KLB: variants seen among roughly 807,000 people sequenced by gnomAD.
The protein encoded by KLB is beta-klotho.
A neutral mutation model predicts 88.4 loss-of-function variants in KLB; 44 were observed. The ratio of observed to expected loss-of-function variants is 0.50; its 90% CI spans 0.39 to 0.64. The LOEUF is 0.64. KLB is among the 30% of genes least tolerant of loss of function. KLB has a pLI of 0.00. For missense variants in KLB, 1,137 were observed against 1,304.8 expected (o/e 0.87, Z 1.98); for synonymous variants, 548 against 513.4 (o/e 1.07, Z -0.91).
intron 1 of KLB, among the ~76,000 whole-genome samples, chr4:39,413,492 T>C (rs1490887395): frequency 6.6e-6 from 1 of 152,052 alleles, no homozygotes; most frequent in Non-Finnish European, 1.5e-5. Flanking sequence ...AGAAGATCCC[T>C]TGAGCCCAGG....
intron 1 of KLB, among the ~76,000 whole-genome samples, chr4:39,421,647 C>T (rs1404274512): frequency 3.3e-5 from 5 of 152,028 alleles, no homozygotes; most frequent in Admixed American, 1.3e-4. Context: ...TCCAGCTACT[C>T]GAGAGACTGA....
At chr4:39,436,231 C>T (rs1157802981) in intron 2 of KLB, among the ~76,000 whole-genome samples, 1 of 152,196 alleles carries the variant, frequency 6.6e-6, no homozygotes, top group African/African-American at 2.4e-5. Context: ...AAGTCACAAG[C>T]CAGGAAGAAA....
chr4:39,436,769 G>C (rs140548548), intron 2 of KLB, among the ~76,000 whole-genome samples: 20 of 152,044 alleles, frequency 1.3e-4, no homozygotes, highest in Non-Finnish European at 2.2e-4. Context: ...GAGTGCAATG[G>C]TACAATCTTG....
chr4:39,416,677 T>C (rs1274202614), intron 1 of KLB, among the ~76,000 whole-genome samples: 1 of 131,340 alleles, frequency 7.6e-6, no homozygotes, highest in African/African-American at 2.5e-5. Context: ...TTACCGCTAC[T>C]GGGGAGGCTG....
At chr4:39,441,353 G>A (rs1436625800) in intron 3 of KLB, among the ~76,000 whole-genome samples, 1 of 152,116 alleles carries the variant, frequency 6.6e-6, no homozygotes. Context: ...CTCCAAAAAT[G>A]TCTTTTTCCC....
At chr4:39,441,190 C>T (rs1285716632) in intron 3 of KLB, among the ~76,000 whole-genome samples, 1 of 152,096 alleles carries the variant, frequency 6.6e-6, no homozygotes, top group Non-Finnish European at 1.5e-5. Context: ...TTAGCAAGAG[C>T]TCACGGTGAT....
At chr4:39,411,513 T>G (rs1053488339) in intron 1 of KLB, among the ~76,000 whole-genome samples, 1 of 150,636 alleles carries the variant, frequency 6.6e-6, no homozygotes, top group African/African-American at 2.5e-5. Flanking sequence ...GATGTATTTT[T>G]TGGCTTGGCC....
chr4:39,421,137 T>C (rs1008168770), intron 1 of KLB, among the ~76,000 whole-genome samples: 2 of 152,202 alleles, frequency 1.3e-5, no homozygotes, highest in Non-Finnish European at 2.9e-5. Flanking sequence ...TTAGACACCA[T>C]AGATCATCTA....
At position 39,446,659 on chromosome 4, in the gene KLB, A is replaced by T; in HGVS notation, c.1933A>T (p.Thr645Ser). The stretch of plus-strand genomic sequence containing the variant: ...CGCGATGGTCACCCTGTATTATCCG[A>T]CCCACGCCCACCTAGGCCTCCCCGA... ...ISAMVTLYYP[T>S]HAHLGLPEPL... Residue 645 changes from threonine to serine, a missense_variant, in exon 4 of 5, where the codon ACC (threonine) becomes TCC (serine). Thr to Ser is a moderately conservative substitution (Grantham distance 58). Around this residue, in one of 4 missense-constraint regions of KLB, gnomAD observed 597 missense variants for 765.2 expected, o/e 0.78. Coordinates refer to ENST00000257408, the MANE Select transcript of KLB (RefSeq NM_175737.4). The surrounding 1 kb of genome is among the most constrained non-coding windows in gnomAD (Gnocchi z 6.4). The T allele has an allele frequency of 6.2e-7, 1 of 1,611,866 alleles. No individual in the cohort carries two copies. The highest frequency in any genetic ancestry group is 8.5e-7 in the Non-Finnish European group (1 of 1,179,104).
Position 39,451,433 on chromosome 4 carries a change from C to T in KLB, c.*2747C>T, listed in dbSNP as rs1743897495. The T allele has an allele frequency of 6.6e-6, 1 of 152,190 alleles. No homozygotes were observed. The allele number at this position is 152,190 out of a possible 1,614,324, so 9.4% of individuals were successfully genotyped here. On this transcript the variant is annotated 3_prime_UTR_variant, in exon 5 of 5. Transcript: ENST00000257408. The stretch of plus-strand genomic sequence containing the variant: ...GAGAATCACAACTATATTTAAAGAG[C>T]CTCTGGAAAATGAGGCCAGTACAGT...
In KLB at chr4:39,446,297, C is replaced by A. The variant is rs1296631298; in HGVS notation, c.1606-35C>A. The A allele has an allele frequency of 6.3e-7, 1 of 1,581,512 alleles. No homozygotes were observed. Among genetic ancestry groups the A allele is most frequent in the South Asian group, 1.2e-5 (1 of 86,396 alleles). ...GATCACTTGAGCCTCCATCTGCCAG[C>A]GCATGCTTGACCTAAATGAGCTTGT... is the stretch of plus-strand genomic sequence containing the variant. On this transcript the variant is annotated intron_variant, in intron 3 of 4. Transcript: ENST00000257408. The surrounding 1 kb of genome is among the most constrained non-coding windows in gnomAD (Gnocchi z 6.4).
intron 1 of KLB, among the ~76,000 whole-genome samples, chr4:39,413,452 G>A (rs1190905558): frequency 3.3e-5 from 5 of 152,072 alleles, no homozygotes; most frequent in Non-Finnish European, 1.5e-5. Context: ...GCTCCTGCCT[G>A]TAATCCTAGC....
At chr4:39,433,981 G>A (rs553017764) in intron 1 of KLB, among the ~76,000 whole-genome samples, 2 of 152,216 alleles carry the variant, frequency 1.3e-5, no homozygotes, top group African/African-American at 4.8e-5. Flanking sequence ...GGAAATAAGA[G>A]CCTAGACTAG....
chr4:39,446,750 G>A lies in KLB; in HGVS notation c.2024G>A (p.Gly675Glu), dbSNP rs1193333715. The A allele has an allele frequency of 6.2e-7, 1 of 1,606,746 alleles. No homozygotes were observed. The highest frequency in any genetic ancestry group is 2.2e-5 in the East Asian group (1 of 44,822). The change falls in exon 4 of 5, where the codon GGG becomes GAG. Residue 675 changes from glycine (G) to glutamate (E), a missense_variant. Around this residue, in one of 4 missense-constraint regions of KLB, gnomAD observed 597 missense variants for 765.2 expected, o/e 0.78. Coordinates refer to ENST00000257408, the MANE Select transcript of KLB (RefSeq NM_175737.4). This position sits in a 1 kb window ranked among gnomAD's most constrained non-coding sequence, Gnocchi z 6.4. ...GCCGAGGCCTTCCAGGCCTACGCTG[G>A]GCTGTGCTTCCAGGAGCTGGGGGAC... ...STAEAFQAYA[G>E]LCFQELGDLV...
chr4:39,413,583 G>C (rs905076750), intron 1 of KLB, among the ~76,000 whole-genome samples: 2 of 151,886 alleles, frequency 1.3e-5, no homozygotes, highest in Admixed American at 1.3e-4. Flanking sequence ...AATCAGCTGA[G>C]AGTGGTGGCA....
chr4:39,435,305 A>T (rs1165376705), intron 2 of KLB, among the ~76,000 whole-genome samples: 1 of 149,876 alleles, frequency 6.7e-6, no homozygotes, highest in Non-Finnish European at 1.5e-5. Context: ...TTTGGTAGAG[A>T]TGGAGTTACA....
intron 1 of KLB, among the ~76,000 whole-genome samples, chr4:39,427,633 C>T (rs1006544812): frequency 2.4e-4 from 36 of 152,134 alleles, no homozygotes; most frequent in Admixed American, 4.6e-4. Context: ...TGTTCAGCCA[C>T]GAGCCTTGGC....
At chr4:39,414,220 CA>C (rs926656056) in intron 1 of KLB, among the ~76,000 whole-genome samples, 1 of 150,900 alleles carries the variant, frequency 6.6e-6, no homozygotes. Context: ...GATTATTTTA[CA>C]CAATTGCCTC....
chr4:39,446,890 G>T lies in KLB; in HGVS notation c.2164G>T (p.Ala722Ser). The change falls in exon 4 of 5, where the codon GCC becomes TCC. Residue 722 changes from alanine (A) to serine (S), a missense_variant. This residue lies in a region of KLB where 597 missense variants were observed against 765.2 expected (regional missense o/e 0.78). Coordinates refer to ENST00000257408, the MANE Select transcript of KLB (RefSeq NM_175737.4). This position sits in a 1 kb window ranked among gnomAD's most constrained non-coding sequence, Gnocchi z 6.4. ...CAACCTGCTGGTGGCCCACGCCCTG[G>T]CCTGGCGCCTCTACGACCGGCAGTT... Reference protein sequence around the residue: ...AHNLLVAHALAWRLYDRQFRP... With the variant: ...AHNLLVAHALSWRLYDRQFRP... 6.2e-7 allele frequency: 1 copy of T among 1,607,642 alleles called. No individual in the cohort carries two copies.
Sources: gnomAD v4.1 joint callset for allele counts (sites outside exome capture counted in the v4.1 genomes callset) on GRCh38, gnomAD v4.1.1 for gene constraint, gnomAD v4.1.1 regional missense constraint, Gnocchi (gnomAD v3.1) non-coding constraint, MANE v1.5 for transcripts, NCBI Gene and HGNC (gene_info 2026-07-23, HGNC 2026-07-21) for gene names.